CACNA1E: variants seen among roughly 807,000 people sequenced by gnomAD.
CACNA1E encodes the protein voltage-dependent R-type calcium channel subunit alpha-1E.
Under a neutral mutation model 259.2 loss-of-function variants are expected in CACNA1E, and 40 were observed. The observed-to-expected ratio is 0.15, with a 90% CI of 0.12 to 0.20. CACNA1E has a LOEUF of 0.20. Among genes scored for constraint, CACNA1E ranks in the 10% least tolerant of loss-of-function variants. The pLI is 1.00. For missense variants in CACNA1E, 1,874 were observed against 3,040.1 expected (o/e 0.62, Z 9.02); for synonymous variants, 1,104 against 1,138.5 (o/e 0.97, Z 0.61).
intron 18 of CACNA1E, among the ~76,000 whole-genome samples, chr1:181,728,342 TAGGCAC>T (rs952597796): frequency 2.6e-5 from 4 of 152,098 alleles, no homozygotes; most frequent in Non-Finnish European, 5.9e-5. Context: ...GAAATGTGGG[TAGGCAC>T]AGGCAGGGCC....
At chr1:181,621,210 G>A (rs1655693299) in intron 6 of CACNA1E, among the ~76,000 whole-genome samples, 2 of 152,240 alleles carry the variant, frequency 1.3e-5, no homozygotes, top group Non-Finnish European at 2.9e-5. Context: ...CAAGGACTTA[G>A]GACTTTGCCC....
intron 18 of CACNA1E, among the ~76,000 whole-genome samples, chr1:181,727,945 G>A (rs941281476): frequency 3.2e-4 from 48 of 152,186 alleles, no homozygotes; most frequent in African/African-American, 1.1e-3. Context: ...CCTCCTGCAC[G>A]GCCATCATGT....
At chr1:181,715,849 G>A (rs1437723197) in intron 9 of CACNA1E, among the ~76,000 whole-genome samples, 191 bp from the exon 10 acceptor site, 2 of 152,210 alleles carry the variant, frequency 1.3e-5, no homozygotes, top group Admixed American at 6.5e-5. Flanking sequence ...GAAGGTGCTG[G>A]TGAGCACAGC....
chr1:181,495,582 C>T (rs1433065231), intron 1 of CACNA1E, among the ~76,000 whole-genome samples: 1 of 152,172 alleles, frequency 6.6e-6, no homozygotes. Flanking sequence ...TTTTCTCTTT[C>T]CAACAATGCT....
At chr1:181,415,878 T>C (rs12059420) in intron 2 of CACNA1E, among the ~76,000 whole-genome samples, 7,734 of 152,234 alleles carry the variant, frequency 0.051, 351 homozygotes, top group African/African-American at 0.12. Context: ...TCCCCAGTTC[T>C]ACGAACCCTA....
chr1:181,767,380 G>A (rs1659112059), intron 35 of CACNA1E, among the ~76,000 whole-genome samples: 2 of 152,186 alleles, frequency 1.3e-5, no homozygotes, highest in African/African-American at 4.8e-5. Flanking sequence ...TCTGGTTGGA[G>A]ACACAGGCTT....
At chr1:181,770,492 C>A (rs1340069628) in intron 35 of CACNA1E, among the ~76,000 whole-genome samples, 1 of 152,168 alleles carries the variant, frequency 6.6e-6, no homozygotes, top group Non-Finnish European at 1.5e-5. Flanking sequence ...AGCAGCAGAT[C>A]AGCAAATCTC....
At chr1:181,321,920 C>A (rs1650383545) in intron 1 of CACNA1E, among the ~76,000 whole-genome samples, 1 of 152,192 alleles carries the variant, frequency 6.6e-6, no homozygotes, top group Non-Finnish European at 1.5e-5. Context: ...CTTCAGCAGT[C>A]CCACAATTCA....
At chr1:181,422,957 G>A (rs893414997) in intron 2 of CACNA1E, among the ~76,000 whole-genome samples, 9 of 152,178 alleles carry the variant, frequency 5.9e-5, no homozygotes, top group African/African-American at 2.2e-4. Context: ...CAAAAACATT[G>A]ATGCAACTCC....
At chr1:181,448,316 C>T (rs1660925226) in intron 2 of CACNA1E, among the ~76,000 whole-genome samples, 1 of 152,208 alleles carries the variant, frequency 6.6e-6, no homozygotes, top group Admixed American at 6.5e-5. Flanking sequence ...TCTAACATCT[C>T]AACAACCAGA....
rs1647904600 is a variant in CACNA1E, at chr1:181,663,583, GC to G, written c.1055+12148del. Among the ~76,000 whole-genome samples, 3 of 152,180 alleles carry G rather than the reference GC, an allele frequency of 2.0e-5. No homozygotes were observed. The South Asian group carries it at 6.2e-4, about 32-fold the overall frequency. The stretch of plus-strand genomic sequence containing the variant: ...TCAGGACCCTCTTAGGGAATGCCAT[GC>G]CCCCCTATGACCTCCTGGAGGATAG... On this transcript the variant is annotated intron_variant, in intron 7 of 47. Coordinates refer to ENST00000367573, the MANE Select transcript of CACNA1E (RefSeq NM_001205293.3).
At chr1:181,454,654 G>T (rs527635006) in intron 2 of CACNA1E, among the ~76,000 whole-genome samples, 3 of 152,278 alleles carry the variant, frequency 2.0e-5, no homozygotes, top group South Asian at 2.1e-4. Context: ...ATCATTCAAG[G>T]TTCATAGCAT....
chr1:181,661,743 C>G (rs183975106), intron 7 of CACNA1E, among the ~76,000 whole-genome samples: 1 of 152,164 alleles, frequency 6.6e-6, no homozygotes, highest in Non-Finnish European at 1.5e-5. Flanking sequence ...CTCATTTAAT[C>G]CTCACAGTGA....
chr1:181,575,899 TCG>T (rs772975571), intron 3 of CACNA1E, among the ~76,000 whole-genome samples: 142 of 152,208 alleles, frequency 9.3e-4, no homozygotes, highest in Non-Finnish European at 1.9e-3. Context: ...TCTCTTTATC[TCG>T]CTCTTTCTCT....
At chr1:181,446,524 C>CTA (rs1660798947) in intron 2 of CACNA1E, among the ~76,000 whole-genome samples, 1 of 152,182 alleles carries the variant, frequency 6.6e-6, no homozygotes, top group Non-Finnish European at 1.5e-5. Context: ...GGCTAATGTA[C>CTA]TATATGAAGA....
intron 1 of CACNA1E, among the ~76,000 whole-genome samples, chr1:181,377,405 A>G (rs1290174896): frequency 6.6e-6 from 1 of 152,178 alleles, no homozygotes; most frequent in Non-Finnish European, 1.5e-5. Flanking sequence ...TTATTGTAGC[A>G]AAGAGTTCAT....
chr1:181,765,129 G>C (rs111373267), intron 34 of CACNA1E, among the ~76,000 whole-genome samples: 1,832 of 152,220 alleles, frequency 0.012, 36 homozygotes, highest in African/African-American at 0.042. Context: ...ACGATATAAA[G>C]AGCATCGCCA....
Position 181,732,332 on chromosome 1 carries a change from C to A in CACNA1E, c.2298-52C>A. On this transcript the variant is annotated intron_variant, in intron 19 of 47. Coordinates refer to ENST00000367573, the MANE Select transcript of CACNA1E (RefSeq NM_001205293.3). The surrounding 1 kb of genome is among the most constrained non-coding windows in gnomAD (Gnocchi z 5.5). Reference sequence around the variant, plus strand: ...CACATGGCCCCTGTGGCCACCCTCCCTGCCTGCAGCTTCTGGGCTCTGACC... The same window carrying A: ...CACATGGCCCCTGTGGCCACCCTCCATGCCTGCAGCTTCTGGGCTCTGACC... 6.8e-7 allele frequency: 1 copy of A among 1,463,072 alleles called. No individual in the cohort carries two copies. Among genetic ancestry groups the A allele is most frequent in the South Asian group, 1.5e-5 (1 of 68,928 alleles). The allele number at this position is 1,463,072 out of a possible 1,614,324, so 90.6% of individuals were successfully genotyped here. A position where few individuals can be genotyped will look rare whatever the true frequency, so the allele number is the denominator to read the frequency against.
At chr1:181,418,974 G>T (rs12058422) in intron 2 of CACNA1E, among the ~76,000 whole-genome samples, 38,120 of 151,806 alleles carry the variant, frequency 0.25, 4,893 homozygotes, top group Admixed American at 0.29. Context: ...GCACTTGGGG[G>T]ATAGAGAGTT....
Sources: allele counts gnomAD v4.1 joint callset (sites outside exome capture counted in the v4.1 genomes callset), GRCh38; gene constraint gnomAD v4.1.1; non-coding constraint Gnocchi (gnomAD v3.1); transcripts MANE v1.5; gene names NCBI Gene and HGNC (gene_info 2026-07-23, HGNC 2026-07-21).